BCAS3: variants seen among roughly 807,000 people sequenced by gnomAD.
BCAS3 encodes the protein BCAS4/BCAS3 fusion.
BCAS3 carries 53 observed loss-of-function variants against 116.1 expected under a neutral mutation model. That is an observed-to-expected ratio of 0.46 (90% confidence interval 0.37 to 0.57). BCAS3 has a LOEUF of 0.57. Among genes scored for constraint, BCAS3 ranks in the 20% least tolerant of loss-of-function variants. The pLI, the probability that BCAS3 is intolerant of heterozygous loss-of-function variation, is 0.00. For missense variants in BCAS3, 917 were observed against 1,165.4 expected, an observed-to-expected ratio of 0.79 and a Z score of 3.10; for synonymous variants, 391 against 408.2, an observed-to-expected ratio of 0.96 and a Z score of 0.51.
intron 7 of BCAS3, among the ~76,000 whole-genome samples, chr17:60,815,728 G>T (rs745582621): frequency 6.6e-6 from 1 of 152,218 alleles, no homozygotes; most frequent in Non-Finnish European, 1.5e-5. Context: ...TTACAAGACA[G>T]CAAATAGAAT....
At chr17:61,050,969 A>C (rs1010910873) in intron 19 of BCAS3, among the ~76,000 whole-genome samples, 6 of 152,080 alleles carry the variant, frequency 3.9e-5, no homozygotes, top group Non-Finnish European at 7.4e-5. Context: ...TGAATTACAG[A>C]AAGATCTTTG....
chr17:61,040,932 A>G lies in BCAS3; in HGVS notation c.2029+40A>G, dbSNP rs188427255. On this transcript the variant is annotated intron_variant, in intron 19 of 23. Transcript: ENST00000407086. ...TTTTTTTTTTCCTTTCGTATGGTCT[A>G]TTCAGATTTCATCTTAAAATGCTAG... 15 of 1,513,250 alleles carry G rather than the reference A, an allele frequency of 9.9e-6. No homozygotes were observed. The African/African-American group carries it at 1.8e-4, about 18-fold the overall frequency. 93.7% of individuals were successfully genotyped at this position (1,513,250 alleles called of 1,614,324 possible).
At chr17:61,090,992 C>G (rs1442272153) in intron 22 of BCAS3, among the ~76,000 whole-genome samples, 2 of 152,114 alleles carry the variant, frequency 1.3e-5, no homozygotes, top group African/African-American at 4.8e-5. Flanking sequence ...GTTAGAAGAC[C>G]AAAGTCAAGT....
chr17:60,850,704 A>G (rs1426499700), intron 7 of BCAS3, among the ~76,000 whole-genome samples: 3 of 152,112 alleles, frequency 2.0e-5, no homozygotes, highest in Admixed American at 6.5e-5. Flanking sequence ...AGCAATATGC[A>G]TTCAGGGTTC....
chr17:60,742,003 A>T (rs2041597155), intron 5 of BCAS3, among the ~76,000 whole-genome samples: 1 of 152,142 alleles, frequency 6.6e-6, no homozygotes, highest in Non-Finnish European at 1.5e-5. Context: ...CATTTTTTTT[A>T]ACTCATTGAT....
chr17:60,887,416 G>C (rs1314544767), intron 9 of BCAS3: 1 of 153,764 alleles, frequency 6.5e-6, no homozygotes. Flanking sequence ...CGTCTTCTGC[G>C]TTGCTCACGC....
rs1351508652 is a variant in BCAS3, at chr17:61,285,709, G to C, written c.2426-82618G>C. ...AAGCCCTTTTACTAACTGAAGTACT[G>C]TGGGTGGCCGATAAGGCTTGTTTAT... On this transcript the variant is annotated intron_variant, in intron 22 of 23. Transcript: ENST00000407086. This position sits in a 1 kb window ranked among gnomAD's most constrained non-coding sequence, Gnocchi z 5.4. Among the ~76,000 whole-genome samples the C allele has an allele frequency of 1.3e-5, 2 of 152,174 alleles. No homozygotes were observed. Among genetic ancestry groups the C allele is most frequent in the Non-Finnish European group, 2.9e-5 (2 of 68,038 alleles).
In BCAS3 at chr17:61,140,747, G is replaced by A. The variant is rs1388866923; in HGVS notation, c.2425+56183G>A. The stretch of plus-strand genomic sequence containing the variant: ...AAGTTAATAAATATATATTTACATA[G>A]TTTATAGTTGTTACATAAAACTTTC... On this transcript the variant is annotated intron_variant, in intron 22 of 23. Transcript: ENST00000407086. The surrounding 1 kb of genome is among the most constrained non-coding windows in gnomAD (Gnocchi z 4.2). Among the ~76,000 whole-genome samples, 1 of 151,982 alleles carries A rather than the reference G, an allele frequency of 6.6e-6. No homozygotes were observed. Among genetic ancestry groups the A allele is most frequent in the East Asian group, 1.9e-4 (1 of 5,194 alleles).
intron 22 of BCAS3, among the ~76,000 whole-genome samples, chr17:61,202,830 A>G (rs1016289426): frequency 1.9e-4 from 29 of 152,346 alleles, no homozygotes; most frequent in African/African-American, 4.6e-4. Flanking sequence ...TGATGAGTCA[A>G]TCGTAGAAAT....
intron 12 of BCAS3, among the ~76,000 whole-genome samples, chr17:60,922,611 A>G (rs2059164021): frequency 6.6e-6 from 1 of 152,180 alleles, no homozygotes; most frequent in Non-Finnish European, 1.5e-5. Context: ...GATTAACACT[A>G]TTTTCTAACT....
chr17:61,304,911 G>A (rs748991895), intron 22 of BCAS3, among the ~76,000 whole-genome samples: 72 of 151,896 alleles, frequency 4.7e-4, no homozygotes, highest in Non-Finnish European at 9.4e-4. Flanking sequence ...GCACCACCAC[G>A]CCCAGCTAAT....
intron 22 of BCAS3, among the ~76,000 whole-genome samples, chr17:61,172,128 G>A (rs537428348): frequency 1.3e-5 from 2 of 152,308 alleles, no homozygotes; most frequent in African/African-American, 4.8e-5. Flanking sequence ...AGAACTACAT[G>A]TAGAATTGGG....
chr17:60,869,216 C>T (rs928950436), intron 8 of BCAS3, among the ~76,000 whole-genome samples: 1 of 152,244 alleles, frequency 6.6e-6, no homozygotes, highest in East Asian at 1.9e-4. Flanking sequence ...GGAAAATATT[C>T]AGATCTATCT....
rs1315326311 is a variant in BCAS3 at position 61,281,171 on chromosome 17, T to A, written c.2426-87156T>A. 6.6e-6 allele frequency among the ~76,000 whole-genome samples: 1 copy of A among 152,250 alleles called. No individual in the cohort carries two copies. Among genetic ancestry groups the A allele is most frequent in the African/African-American group, 2.4e-5 (1 of 41,468 alleles). ...ATACATCTTGGAGATTTTTCCTTTTTTAGTATTTATAGAATTTCCTTAGAG... is the reference window on the plus strand; with the variant it reads ...ATACATCTTGGAGATTTTTCCTTTTATAGTATTTATAGAATTTCCTTAGAG... On this transcript the variant is annotated intron_variant, in intron 22 of 23. Coordinates refer to ENST00000407086, the MANE Select transcript of BCAS3 (RefSeq NM_017679.5). This position sits in a 1 kb window ranked among gnomAD's most constrained non-coding sequence, Gnocchi z 4.2.
At chr17:60,921,409 C>T (rs568411206) in intron 12 of BCAS3, among the ~76,000 whole-genome samples, 36 of 152,020 alleles carry the variant, frequency 2.4e-4, no homozygotes, top group Non-Finnish European at 4.6e-4. Context: ...GTCAGGAGAT[C>T]GAGACCATCC....
intron 19 of BCAS3, among the ~76,000 whole-genome samples, chr17:61,059,425 G>A (rs988374950): frequency 9.2e-5 from 14 of 151,880 alleles, no homozygotes; most frequent in African/African-American, 3.4e-4. Flanking sequence ...CTACCTTACA[G>A]GATCATTGTT....
intron 14 of BCAS3, among the ~76,000 whole-genome samples, chr17:60,979,756 C>T (rs543428192): frequency 2.9e-4 from 44 of 152,086 alleles, no homozygotes; most frequent in Non-Finnish European, 5.3e-4. Context: ...GAGATAATCA[C>T]GTGGTTTTTG....
At chr17:60,727,186 CT>C in intron 5 of BCAS3, 2 of 840,066 alleles carry the variant, frequency 2.4e-6, no homozygotes, top group Non-Finnish European at 3.9e-6. Flanking sequence ...TCTCTTGGCC[CT>C]TTCTCTTCTT....
At chr17:60,772,561 A>G (rs2044826682) in intron 6 of BCAS3, among the ~76,000 whole-genome samples, 1 of 152,130 alleles carries the variant, frequency 6.6e-6, no homozygotes, top group Admixed American at 6.6e-5. Flanking sequence ...ATTAGATCCC[A>G]TTTGAGTGAC....
Sources: allele counts gnomAD v4.1 joint callset (sites outside exome capture counted in the v4.1 genomes callset), GRCh38; gene constraint gnomAD v4.1.1; non-coding constraint Gnocchi (gnomAD v3.1); transcripts MANE v1.5; gene names NCBI Gene and HGNC (gene_info 2026-07-23, HGNC 2026-07-21).